ANO3: variants seen among roughly 807,000 people sequenced by gnomAD.
ANO3 encodes the protein anoctamin-3.
Under a neutral mutation model 144.8 loss-of-function variants are expected in ANO3, and 99 were observed. The observed-to-expected ratio is 0.68, with a 90% CI of 0.58 to 0.81. The LOEUF (loss-of-function observed/expected upper bound fraction) is 0.81, where lower values mean the gene tolerates loss of function less well. Among genes scored for constraint, ANO3 ranks in the 30% least tolerant of loss-of-function variants. The pLI is 0.00. For missense variants in ANO3, 905 were observed against 1,202.2 expected, an observed-to-expected ratio of 0.75 and a Z score of 3.66; for synonymous variants, 414 against 392.6, an observed-to-expected ratio of 1.05 and a Z score of -0.64.
intron 1 of ANO3, among the ~76,000 whole-genome samples, chr11:26,289,359 G>A (rs1051668771): frequency 6.6e-6 from 1 of 151,332 alleles, no homozygotes; most frequent in South Asian, 2.1e-4. Flanking sequence ...GAACTTTGGT[G>A]ATTGTGAATA....
chr11:26,501,561 C>T (rs1157187140), intron 4 of ANO3, among the ~76,000 whole-genome samples: 2 of 152,016 alleles, frequency 1.3e-5, no homozygotes, highest in Non-Finnish European at 2.9e-5. Context: ...ACATTTTAAG[C>T]ATAGGCCAGG....
At chr11:26,449,501 A>T (rs1858837392) in intron 3 of ANO3, among the ~76,000 whole-genome samples, 4 of 30,074 alleles carry the variant, frequency 1.3e-4, no homozygotes, top group African/African-American at 2.8e-4. Flanking sequence ...ACACACACAC[A>T]CACACACACA....
At chr11:26,492,313 A>G (rs1860740495) in intron 4 of ANO3, among the ~76,000 whole-genome samples, 1 of 152,176 alleles carries the variant, frequency 6.6e-6, no homozygotes, top group South Asian at 2.1e-4. Context: ...GTGATGGCAC[A>G]ATCTGATCTG....
intron 18 of ANO3, among the ~76,000 whole-genome samples, chr11:26,633,221 T>C (rs1441216482): frequency 6.6e-5 from 10 of 152,372 alleles, no homozygotes; most frequent in African/African-American, 2.2e-4. Flanking sequence ...ATTTGAGTAC[T>C]AAGGCTGCAG....
At chr11:26,512,598 G>A (rs559383994) in intron 5 of ANO3, among the ~76,000 whole-genome samples, 1 of 152,270 alleles carries the variant, frequency 6.6e-6, no homozygotes, top group South Asian at 2.1e-4. Flanking sequence ...CCTGTTGGTT[G>A]ATAAAAATCT....
At chr11:26,243,748 T>A (rs1428126744) in intron 1 of ANO3, among the ~76,000 whole-genome samples, 4 of 151,948 alleles carry the variant, frequency 2.6e-5, no homozygotes, top group African/African-American at 7.2e-5. Flanking sequence ...CTTCTTTGGG[T>A]TTTTTAATAA....
At chr11:26,554,703 C>T (rs1850034758) in intron 13 of ANO3, among the ~76,000 whole-genome samples, 1 of 152,072 alleles carries the variant, frequency 6.6e-6, no homozygotes. Context: ...TCCAGTCTCT[C>T]AAGTGGTGCT....
chr11:26,235,444 C>T (rs1163361116), intron 1 of ANO3, among the ~76,000 whole-genome samples: 1 of 151,996 alleles, frequency 6.6e-6, no homozygotes. Context: ...AGATTAAATC[C>T]AACCTAATGG....
In ANO3 at chr11:26,594,879, T is replaced by A. The variant is rs1013288698; in HGVS notation, c.1448-3486T>A. ...AGCTGTAAGATGATGTTATAATATA[T>A]ACTTCCCTCAGGGGGCCAGGTTTCT... On this transcript the variant is annotated intron_variant, in intron 14 of 26. Coordinates refer to ENST00000256737, the MANE Select transcript of ANO3 (RefSeq NM_031418.4). Among the ~76,000 whole-genome samples the A allele has an allele frequency of 1.2e-4, 18 of 152,202 alleles. 2 individuals are homozygous for A. Among genetic ancestry groups the A allele is most frequent in the Non-Finnish European group, 2.9e-5 (2 of 68,040 alleles).
chr11:26,194,338 T>A (rs1851536286), intron 1 of ANO3, among the ~76,000 whole-genome samples: 1 of 152,202 alleles, frequency 6.6e-6, no homozygotes, highest in South Asian at 2.1e-4. Flanking sequence ...ATGAGTAATT[T>A]TATTCATTTT....
At chr11:26,522,056 C>T (rs1862100718) in intron 6 of ANO3, among the ~76,000 whole-genome samples, 1 of 151,602 alleles carries the variant, frequency 6.6e-6, no homozygotes, top group East Asian at 1.9e-4. Context: ...TAGTGGCGGG[C>T]GCCTGTAGTC....
At chr11:26,453,114 G>A (rs906048070) in intron 3 of ANO3, among the ~76,000 whole-genome samples, 36 of 152,168 alleles carry the variant, frequency 2.4e-4, no homozygotes, top group African/African-American at 5.1e-4. Flanking sequence ...GGTACCAGCC[G>A]CTGCAAAATC....
intron 24 of ANO3, among the ~76,000 whole-genome samples, chr11:26,649,804 T>G (rs1853469739): frequency 6.6e-6 from 1 of 152,136 alleles, no homozygotes; most frequent in African/African-American, 2.4e-5. Context: ...TCTTATGAAC[T>G]CTAAAGCACA....
At chr11:26,505,152 A>G (rs1861376746) in intron 4 of ANO3, among the ~76,000 whole-genome samples, 1 of 152,104 alleles carries the variant, frequency 6.6e-6, no homozygotes, top group Non-Finnish European at 1.5e-5. Context: ...AAGGTGTTAG[A>G]AAGTGGTCAG....
intron 4 of ANO3, among the ~76,000 whole-genome samples, chr11:26,480,533 G>T (rs985668350): frequency 1.3e-5 from 2 of 152,072 alleles, no homozygotes; most frequent in Admixed American, 1.3e-4. Flanking sequence ...ACCTGAGCAG[G>T]CCGGGCACTC....
intron 1 of ANO3, among the ~76,000 whole-genome samples, chr11:26,416,051 T>C (rs1307575744): frequency 6.6e-6 from 1 of 152,114 alleles, no homozygotes; most frequent in African/African-American, 2.4e-5. Context: ...TTAGCAATTG[T>C]TTTCTTATTG....
At chr11:26,540,361 G>T (rs992318083) in intron 10 of ANO3, among the ~76,000 whole-genome samples, 1 of 152,052 alleles carries the variant, frequency 6.6e-6, no homozygotes, top group African/African-American at 2.4e-5. Flanking sequence ...ATGCAGAAAA[G>T]TCCTTCGATA....
chr11:26,224,172 G>A (rs1318504488), intron 1 of ANO3, among the ~76,000 whole-genome samples: 8 of 75,390 alleles, frequency 1.1e-4, no homozygotes, highest in Admixed American at 2.6e-4. Context: ...TGCTCCTCTC[G>A]GTAACCAAGG....
intron 1 of ANO3, among the ~76,000 whole-genome samples, chr11:26,416,025 T>A (rs1367688122): frequency 6.6e-6 from 1 of 152,092 alleles, no homozygotes; most frequent in Non-Finnish European, 1.5e-5. Flanking sequence ...CTTTTATGCA[T>A]TGATTTTTTT....
Sources: allele counts gnomAD v4.1 joint callset (sites outside exome capture counted in the v4.1 genomes callset), GRCh38; gene constraint gnomAD v4.1.1; transcripts MANE v1.5; gene names NCBI Gene and HGNC (gene_info 2026-07-23, HGNC 2026-07-21).